MCHR2: variants seen among roughly 807,000 people sequenced by gnomAD.
MCHR2 encodes melanin concentrating hormone receptor 2, also known as melanin-concentrating hormone receptor 2.
MCHR2 carries 15 observed loss-of-function variants against 24.8 expected under a neutral mutation model. The ratio of observed to expected loss-of-function variants is 0.60; its 90% CI spans 0.40 to 0.93. The LOEUF (loss-of-function observed/expected upper bound fraction) is 0.93, where lower values mean the gene tolerates loss of function less well. Among genes scored for constraint, MCHR2 ranks in the 40% least tolerant of loss-of-function variants. MCHR2 has a pLI of 0.00. For synonymous variants in MCHR2, 151 were observed against 147.6 expected, an observed-to-expected ratio of 1.02 and a Z score of -0.17; for missense variants, 386 against 408.7, an observed-to-expected ratio of 0.94 and a Z score of 0.48.
At chr6:99,978,797 G>A (rs942208806) in intron 1 of MCHR2, among the ~76,000 whole-genome samples, 2 of 152,094 alleles carry the variant, frequency 1.3e-5, no homozygotes, top group Admixed American at 6.6e-5. Flanking sequence ...GCTAAAAAAG[G>A]CTAGGACACC....
chr6:99,972,372 A>G (rs1775444509), intron 1 of MCHR2, among the ~76,000 whole-genome samples: 2 of 152,116 alleles, frequency 1.3e-5, no homozygotes, highest in South Asian at 2.1e-4. Flanking sequence ...GTATTCTCTG[A>G]TGGTAGTTTG....
At chr6:99,925,850 A>G (rs987580232) in intron 5 of MCHR2, among the ~76,000 whole-genome samples, 1 of 149,590 alleles carries the variant, frequency 6.7e-6, no homozygotes, top group African/African-American at 2.5e-5. Context: ...TATTATTATT[A>G]TACTTTAAGT....
chr6:99,983,661 C>T (rs369665180), intron 1 of MCHR2, among the ~76,000 whole-genome samples: 2 of 152,310 alleles, frequency 1.3e-5, no homozygotes, highest in Admixed American at 6.5e-5. Context: ...CAACAACCAA[C>T]ATCATTGCAA....
intron 1 of MCHR2, among the ~76,000 whole-genome samples, chr6:99,968,543 C>T (rs1386221042): frequency 6.6e-6 from 1 of 152,014 alleles, no homozygotes; most frequent in Non-Finnish European, 1.5e-5. Context: ...TGGAGTTTTT[C>T]CTAATGAGGA....
Position 99,943,071 on chromosome 6 carries a change from C to G in MCHR2, c.465G>C (p.Leu155Phe). Residue 155 changes from leucine to phenylalanine, a missense_variant, in exon 4 of 6, where the codon TTG becomes TTC. Leu to Phe is a conservative substitution (Grantham distance 22, BLOSUM62 0). Transcript: ENST00000281806. ...RTRYKTIRIN[L>F]GLWAASFILA... ...GGATAAAGGAAGCTGCCCAAAGGCCCAAATTGATCCGGATGGTCTTGTACC... is the reference window on the plus strand; with the variant it reads ...GGATAAAGGAAGCTGCCCAAAGGCCGAAATTGATCCGGATGGTCTTGTACC... The G allele has an allele frequency of 6.2e-7, 1 of 1,613,252 alleles. No individual in the cohort carries two copies. The highest frequency in any genetic ancestry group is 2.2e-5 in the East Asian group (1 of 44,848).
chr6:99,936,833 C>CT (rs1296642934), intron 4 of MCHR2, among the ~76,000 whole-genome samples: 3 of 151,336 alleles, frequency 2.0e-5, no homozygotes, highest in African/African-American at 4.8e-5. Context: ...ACGGAATATC[C>CT]TTTTTTGTGT....
intron 2 of MCHR2, among the ~76,000 whole-genome samples, chr6:99,951,143 T>C (rs1313015436): frequency 6.6e-6 from 1 of 152,008 alleles, no homozygotes; most frequent in African/African-American, 2.4e-5. Flanking sequence ...AGGAAAGTGG[T>C]GTTGGGGTGA....
chr6:99,957,544 C>A (rs1775089020), intron 1 of MCHR2, among the ~76,000 whole-genome samples: 1 of 151,948 alleles, frequency 6.6e-6, no homozygotes, highest in Admixed American at 6.6e-5. Context: ...CACCACTTTT[C>A]TTCAATATTG....
chr6:99,958,389 C>T (rs13340451), intron 1 of MCHR2, among the ~76,000 whole-genome samples: 63,063 of 151,716 alleles, frequency 0.42, 13,566 homozygotes, highest in East Asian at 0.75. Context: ...GAAATCTATA[C>T]GTACATAAAA....
chr6:99,980,682 CA>C (rs1461875442), intron 1 of MCHR2, among the ~76,000 whole-genome samples: 5 of 151,486 alleles, frequency 3.3e-5, no homozygotes, highest in Non-Finnish European at 2.9e-5. Flanking sequence ...CTACCATTGG[CA>C]AAAAAAATAC....
chr6:99,925,038 CTCTT>C (rs1213333972), intron 5 of MCHR2, among the ~76,000 whole-genome samples: 3 of 152,112 alleles, frequency 2.0e-5, no homozygotes, highest in Non-Finnish European at 2.9e-5. Flanking sequence ...GCCTATCTCT[CTCTT>C]TAATTCTAAT....
chr6:99,973,270 A>C (rs1356846413), intron 1 of MCHR2, among the ~76,000 whole-genome samples: 1 of 151,714 alleles, frequency 6.6e-6, no homozygotes, highest in African/African-American at 2.4e-5. Context: ...ATATTTATTT[A>C]TGATAGTTAG....
intron 1 of MCHR2, among the ~76,000 whole-genome samples, chr6:99,985,168 A>C (rs1258323483): frequency 6.6e-6 from 1 of 152,178 alleles, no homozygotes; most frequent in Non-Finnish European, 1.5e-5. Flanking sequence ...CTGATGAAAG[A>C]AATTAGAGAT....
In MCHR2 at chr6:99,928,340, C is replaced by T. The variant is rs543622671; in HGVS notation, c.707+6058G>A. On this transcript the variant is annotated intron_variant, in intron 5 of 5. Coordinates refer to ENST00000281806, the MANE Select transcript of MCHR2 (RefSeq NM_001040179.2). ...CTGCCCGGCTTTGGTATCAGGATGA[C>T]GCTGGCCTCATAAAATGAGTTAGGG... 7.5e-4 allele frequency among the ~76,000 whole-genome samples: 114 copies of T among 151,326 alleles called. 1 individual carries two copies. The South Asian group carries it at 0.018, about 24-fold the overall frequency.
At chr6:99,988,607 A>G (rs760325795) in intron 1 of MCHR2, among the ~76,000 whole-genome samples, 1 of 152,190 alleles carries the variant, frequency 6.6e-6, no homozygotes, top group Non-Finnish European at 1.5e-5. Flanking sequence ...CTAGAAATGG[A>G]CACACACTTG....
intron 4 of MCHR2, among the ~76,000 whole-genome samples, chr6:99,938,932 T>C (rs531358884): frequency 1.3e-5 from 2 of 152,174 alleles, no homozygotes; most frequent in South Asian, 2.1e-4. Flanking sequence ...TCCTTTATCA[T>C]TATATAGTGA....
rs74531963 is a variant in MCHR2 at position 99,947,926 on chromosome 6, A to G, written c.228T>C (p.Ala76=). The part of the protein sequence containing the change: ...TVPDIYICNL[A]VADLVHIVGM... ...CAACTATGTGGACCAAATCAGCCAC[A>G]GCCAGGTTGCAGATATAGATGTCAG... Residue 76 remains alanine (A), a synonymous_variant, in exon 3 of 6, where the codon GCT becomes GCC. Coordinates refer to ENST00000281806, the MANE Select transcript of MCHR2 (RefSeq NM_001040179.2). 139,075 of 1,613,620 alleles carry G rather than the reference A, an allele frequency of 0.086. 6,924 individuals carry two copies. Among genetic ancestry groups the G allele is most frequent in the Non-Finnish European group, 0.1 (119,095 of 1,179,694 alleles).
intron 4 of MCHR2, among the ~76,000 whole-genome samples, chr6:99,939,301 C>T (rs949092787): frequency 3.9e-5 from 6 of 152,070 alleles, no homozygotes; most frequent in African/African-American, 1.4e-4. Context: ...GTGAATTTCT[C>T]TGGCGGAATG....
chr6:99,947,686 G>A, intron 3 of MCHR2, 76 bp downstream of exon 3: 2 of 1,452,152 alleles, frequency 1.4e-6, no homozygotes, highest in South Asian at 1.3e-5. Context: ...CAAAACTGGT[G>A]TTGGAATTGG....
Sources: allele counts gnomAD v4.1 joint callset (sites outside exome capture counted in the v4.1 genomes callset), GRCh38; gene constraint gnomAD v4.1.1; transcripts MANE v1.5; gene names NCBI Gene and HGNC (gene_info 2026-07-23, HGNC 2026-07-21).